TCF12: variants seen among roughly 807,000 people sequenced by gnomAD.
The protein encoded by TCF12 is transcription factor 12, also known as DNA-binding protein HTF4.
A neutral mutation model predicts 86.0 loss-of-function variants in TCF12; 45 were observed. The ratio of observed to expected loss-of-function variants is 0.52; its 90% CI spans 0.41 to 0.67. TCF12 has a LOEUF of 0.67. TCF12 is among the 30% of genes least tolerant of loss of function. The pLI, the probability that TCF12 is intolerant of heterozygous loss-of-function variation, is 0.00. For missense variants in TCF12, 881 were observed against 859.9 expected (o/e 1.02, Z -0.31); for synonymous variants, 330 against 299.6 (o/e 1.10, Z -1.05).
chr15:57,230,330 A>C (rs887883202), intron 8 of TCF12, among the ~76,000 whole-genome samples: 1 of 151,922 alleles, frequency 6.6e-6, no homozygotes, highest in Non-Finnish European at 1.5e-5. Context: ...GTTTACTTCT[A>C]TAGACTGTGC....
At chr15:57,047,648 A>C (rs920743978) in intron 3 of TCF12, among the ~76,000 whole-genome samples, 3 of 152,208 alleles carry the variant, frequency 2.0e-5, no homozygotes, top group African/African-American at 7.2e-5. Context: ...GTGAGAGAAA[A>C]TATTTTTGAA....
chr15:56,939,124 T>C (rs1386956513), intron 3 of TCF12, among the ~76,000 whole-genome samples: 2 of 152,244 alleles, frequency 1.3e-5, no homozygotes, highest in Non-Finnish European at 2.9e-5. Flanking sequence ...GTTTGAATTT[T>C]CTTTCATTTA....
rs2049651071 is a variant in TCF12, at chr15:57,100,421, C to CTCTTT, written c.325+8532_325+8536dup. ...TGTGGTAACATTTCGGATTCACTTC[C>CTCTTT]TCTTTTTTTTTTTTTTTTTTTAGTA... is the stretch of plus-strand genomic sequence containing the variant. On this transcript the variant is annotated intron_variant, in intron 5 of 20. Coordinates refer to ENST00000333725, the MANE Select transcript of TCF12 (RefSeq NM_207037.2). Among the ~76,000 whole-genome samples the CTCTTT allele has an allele frequency of 2.7e-5, 4 of 146,744 alleles. No homozygotes were observed. In the South Asian group the frequency reaches 8.5e-4, roughly 31 times the overall value.
chr15:56,967,410 A>G (rs1847329380), intron 3 of TCF12, among the ~76,000 whole-genome samples: 1 of 152,194 alleles, frequency 6.6e-6, no homozygotes, highest in Non-Finnish European at 1.5e-5. Flanking sequence ...TGGATGGAAC[A>G]TAATTAGCTT....
chr15:57,179,312 C>A (rs1306682416), intron 6 of TCF12, among the ~76,000 whole-genome samples: 2 of 152,096 alleles, frequency 1.3e-5, no homozygotes. Flanking sequence ...TAGTGAAACC[C>A]CATCTCTACT....
chr15:57,286,496 T>C lies in TCF12; in HGVS notation c.*351T>C. 2.6e-6 allele frequency: 1 copy of C among 385,804 alleles called. No individual in the cohort carries two copies. Among genetic ancestry groups the C allele is most frequent in the South Asian group, 1.9e-5 (1 of 51,838 alleles). The allele number at this position is 385,804 out of a possible 1,614,324, so 23.9% of individuals were successfully genotyped here. A position where few individuals can be genotyped will look rare whatever the true frequency, so the allele number is the denominator to read the frequency against. Reference sequence around the variant, plus strand: ...GCCTAAACTGAATTGACAAATGCATTGTAACTACAAATTTTATTTATTGTT... The same window carrying C: ...GCCTAAACTGAATTGACAAATGCATCGTAACTACAAATTTTATTTATTGTT... On this transcript the variant is annotated 3_prime_UTR_variant, in exon 21 of 21. Transcript: ENST00000333725.
chr15:57,020,379 A>G (rs1336763477), intron 3 of TCF12, among the ~76,000 whole-genome samples: 3 of 152,152 alleles, frequency 2.0e-5, no homozygotes, highest in Non-Finnish European at 4.4e-5. Context: ...AGAAGTGGAG[A>G]AACAGTATTT....
chr15:57,115,673 G>T (rs1398519057), intron 5 of TCF12, among the ~76,000 whole-genome samples: 1 of 152,110 alleles, frequency 6.6e-6, no homozygotes, highest in Non-Finnish European at 1.5e-5. Flanking sequence ...TAATCTGTCA[G>T]AATGTTAATA....
intron 3 of TCF12, among the ~76,000 whole-genome samples, chr15:56,946,360 A>G (rs1403193993): frequency 6.6e-6 from 1 of 152,174 alleles, no homozygotes; most frequent in African/African-American, 2.4e-5. Context: ...TTTCTTCTGC[A>G]GTGTCTAACC....
intron 3 of TCF12, among the ~76,000 whole-genome samples, chr15:56,940,756 T>C (rs1159811397): frequency 7.9e-6 from 1 of 126,510 alleles, no homozygotes; most frequent in Non-Finnish European, 1.6e-5. Context: ...TCCTTCTCCT[T>C]CTCCTTCTCC....
At chr15:56,923,400 A>G (rs1424529051) in intron 3 of TCF12, among the ~76,000 whole-genome samples, 1 of 152,088 alleles carries the variant, frequency 6.6e-6, no homozygotes, top group African/African-American at 2.4e-5. Flanking sequence ...GTTTACTACT[A>G]CTAATTTGTC....
At chr15:57,112,234 G>C (rs570163082) in intron 5 of TCF12, among the ~76,000 whole-genome samples, 1 of 152,316 alleles carries the variant, frequency 6.6e-6, no homozygotes, top group Non-Finnish European at 1.5e-5. Flanking sequence ...CTCCAGGCGG[G>C]AATAGCCCTG....
chr15:57,236,138 G>A (rs1244213450), intron 12 of TCF12, among the ~76,000 whole-genome samples: 6 of 152,102 alleles, frequency 3.9e-5, no homozygotes, highest in Non-Finnish European at 7.4e-5. Flanking sequence ...TGACGGTGAT[G>A]CATTCCATCT....
chr15:56,982,463 T>G (rs1680281630), intron 3 of TCF12, among the ~76,000 whole-genome samples: 1 of 152,212 alleles, frequency 6.6e-6, no homozygotes, highest in Non-Finnish European at 1.5e-5. Flanking sequence ...ATTATAGAAT[T>G]GGTGCTGACT....
chr15:56,920,256 A>G (rs76088514), intron 2 of TCF12, among the ~76,000 whole-genome samples: 1 of 152,240 alleles, frequency 6.6e-6, no homozygotes, highest in East Asian at 1.9e-4. Flanking sequence ...AAAGGAGAAC[A>G]ATGTAATTAT....
chr15:57,255,071 C>T (rs1281634168), intron 16 of TCF12, among the ~76,000 whole-genome samples: 2 of 152,134 alleles, frequency 1.3e-5, no homozygotes, highest in African/African-American at 4.8e-5. Context: ...AAGTTAGTCT[C>T]AGCAGCAACA....
At chr15:57,055,412 A>G (rs1009181068) in intron 3 of TCF12, among the ~76,000 whole-genome samples, 4 of 152,138 alleles carry the variant, frequency 2.6e-5, no homozygotes, top group Admixed American at 6.5e-5. Flanking sequence ...AAAAATAATA[A>G]TAATAATGAT....
chr15:57,062,654 A>G (rs1308089560), intron 3 of TCF12, among the ~76,000 whole-genome samples: 5 of 152,212 alleles, frequency 3.3e-5, no homozygotes, highest in African/African-American at 1.2e-4. Context: ...TTGCAAATTA[A>G]TGGAGAATTT....
At chr15:57,267,945 T>G (rs2060945777) in intron 18 of TCF12, among the ~76,000 whole-genome samples, 1 of 152,200 alleles carries the variant, frequency 6.6e-6, no homozygotes, top group Non-Finnish European at 1.5e-5. Context: ...GTAAAACCCT[T>G]TGCACACGGT....
Sources: allele counts gnomAD v4.1 joint callset (sites outside exome capture counted in the v4.1 genomes callset), GRCh38; gene constraint gnomAD v4.1.1; transcripts MANE v1.5; gene names NCBI Gene and HGNC (gene_info 2026-07-23, HGNC 2026-07-21).